DCLRE1C: variants seen among roughly 807,000 people sequenced by gnomAD.
DCLRE1C encodes the protein DNA cross-link repair 1C.
DCLRE1C carries 47 observed loss-of-function variants against 61.4 expected under a neutral mutation model. That is an observed-to-expected ratio of 0.77 (90% confidence interval 0.61 to 0.98). The LOEUF is 0.98. DCLRE1C is among the 50% of genes least tolerant of loss of function. DCLRE1C has a pLI of 0.00. For synonymous variants in DCLRE1C, 337 were observed against 287.6 expected (o/e 1.17, Z -1.74); for missense variants, 858 against 816.0 (o/e 1.05, Z -0.63).
chr10:14,926,568 C>A (rs1838012028), intron 11 of DCLRE1C, among the ~76,000 whole-genome samples: 1 of 150,996 alleles, frequency 6.6e-6, no homozygotes, highest in Non-Finnish European at 1.5e-5. Flanking sequence ...GCAGGAGAAT[C>A]ACCTGAACCC....
At chr10:14,939,645 A>G (rs1382784886) in intron 4 of DCLRE1C, among the ~76,000 whole-genome samples, 165 bp downstream of exon 4, 1 of 152,144 alleles carries the variant, frequency 6.6e-6, no homozygotes, top group African/African-American at 2.4e-5. Context: ...ACCCCACTCA[A>G]TGACTAGATT....
intron 11 of DCLRE1C, 166 bp from the exon 12 acceptor site, chr10:14,923,235 C>T (rs1837414396): frequency 1.6e-6 from 1 of 629,384 alleles, no homozygotes; most frequent in Admixed American, 2.2e-5. Context: ...AAAAAATATC[C>T]AATGCCTGGG....
At chr10:14,949,644 G>T (rs1842169899) in intron 1 of DCLRE1C, among the ~76,000 whole-genome samples, 1 of 152,224 alleles carries the variant, frequency 6.6e-6, no homozygotes, top group Non-Finnish European at 1.5e-5. Context: ...CAACAGAAAG[G>T]TAGCAATTAG....
Position 14,908,786 on chromosome 10 carries a change from A to C in DCLRE1C, c.1701T>G (p.Ser567Arg). The C allele has an allele frequency of 6.2e-7, 1 of 1,614,178 alleles. No individual in the cohort carries two copies. The highest frequency in any genetic ancestry group is 8.5e-7 in the Non-Finnish European group (1 of 1,180,030). The change falls in exon 14 of 14, where the codon AGT (serine) becomes AGG (arginine). Residue 567 changes from serine (S) to arginine (R), a missense_variant. Transcript: ENST00000378278. ...CTTTGTCCAAGGAAGTAATATCCCC[A>C]CTGTTTCTCTCTTGGGAAGATAACA... The part of the protein sequence containing the change: ...TVLLSSQERN[S>R]GDITSLDKAD...
chr10:14,901,069 A>G, downstream of DCLRE1C: 4 of 1,557,630 alleles, frequency 2.6e-6, no homozygotes, highest in East Asian at 2.3e-5. Context: ...AACATTTTAT[A>G]TGGCATGTAG....
At position 14,922,948 on chromosome 10, in the gene DCLRE1C, G is replaced by A. The variant is rs199770461; in HGVS notation, c.1061+33C>T. The stretch of plus-strand genomic sequence containing the variant: ...TGTCCTAGCCAAGAGCCACCAAGGG[G>A]GACACCAAGTCCCACAACCAGTGAC... On this transcript the variant is annotated intron_variant, in intron 12 of 13. Coordinates refer to ENST00000378278, the MANE Select transcript of DCLRE1C (RefSeq NM_001033855.3). 249 of 1,496,508 alleles carry A rather than the reference G, an allele frequency of 1.7e-4. 1 individual carries two copies. Among genetic ancestry groups the A allele is most frequent in the Admixed American group, 1.7e-4 (10 of 59,830 alleles). 92.7% of individuals were successfully genotyped at this position (1,496,508 alleles called of 1,614,324 possible).
At position 14,908,970 on chromosome 10, in the gene DCLRE1C, T is replaced by C; in HGVS notation, c.1517A>G (p.Asn506Ser). The C allele has an allele frequency of 2.5e-6, 4 of 1,614,064 alleles. No individual in the cohort carries two copies. Among genetic ancestry groups the C allele is most frequent in the Non-Finnish European group, 3.4e-6 (4 of 1,179,992 alleles). ...CCCTGCCACTGTGGAGGAAGGGAAG[T>C]TTTCCAAACTCTCATCTGTGATTTC... ...NDEITDESLE[N>S]FPSSTVAGGS... The change falls in exon 14 of 14, where the codon AAC becomes AGC. Residue 506 changes from asparagine to serine, a missense_variant. By Grantham distance (46) the Asn-to-Ser change is conservative. Transcript: ENST00000378278.
chr10:14,945,717 G>A (rs41296354), intron 2 of DCLRE1C, among the ~76,000 whole-genome samples: 1 of 128,282 alleles, frequency 7.8e-6, no homozygotes, highest in African/African-American at 3.1e-5. Context: ...GGAGTGCAAT[G>A]GTGTGATCTC....
intron 12 of DCLRE1C, among the ~76,000 whole-genome samples, chr10:14,920,117 T>G (rs1174799959): frequency 6.6e-6 from 1 of 152,198 alleles, no homozygotes; most frequent in Non-Finnish European, 1.5e-5. Context: ...ATCAGTAGAC[T>G]AAGGTAAAAC....
chr10:14,939,751 T>C (rs1840560386), intron 4 of DCLRE1C, 59 bp downstream of exon 4: 1 of 1,415,316 alleles, frequency 7.1e-7, no homozygotes, highest in South Asian at 1.2e-5. Flanking sequence ...AAGAGAAATA[T>C]AAACAATCAT....
chr10:14,899,096 G>A (rs1411181501), exon 14 of DCLRE1C: 10 of 624,314 alleles, frequency 1.6e-5, no homozygotes, highest in Admixed American at 2.5e-5. Flanking sequence ...AAGGCTGGAG[G>A]CTCACTTGAG....
chr10:14,948,146 G>A (rs1259040914), intron 2 of DCLRE1C, among the ~76,000 whole-genome samples: 4 of 151,948 alleles, frequency 2.6e-5, no homozygotes, highest in Admixed American at 2.6e-4. Context: ...AGGCCAAGAT[G>A]GGAGATCACT....
chr10:14,901,305 T>C (rs913162409), downstream of DCLRE1C: 10 of 1,610,770 alleles, frequency 6.2e-6, no homozygotes, highest in African/African-American at 1.2e-4. Flanking sequence ...AGTTTCAATA[T>C]GAAGAATCAA....
chr10:14,900,192 T>A (rs1833902438), downstream of DCLRE1C, among the ~76,000 whole-genome samples: 1 of 152,228 alleles, frequency 6.6e-6, no homozygotes, highest in African/African-American at 2.4e-5. Flanking sequence ...TTCCTTACCT[T>A]TTAATGTCTG....
chr10:14,939,257 T>C (rs1289116050), intron 4 of DCLRE1C, among the ~76,000 whole-genome samples: 1 of 152,054 alleles, frequency 6.6e-6, no homozygotes, highest in Non-Finnish European at 1.5e-5. Flanking sequence ...ACCAACATGG[T>C]GAAACCCCTT....
intron 4 of DCLRE1C, among the ~76,000 whole-genome samples, chr10:14,937,263 T>G (rs1157508712): frequency 6.6e-6 from 1 of 151,088 alleles, no homozygotes; most frequent in African/African-American, 2.4e-5. Flanking sequence ...TCGATTTCTA[T>G]CTCAATAAAG....
chr10:14,924,692 C>A (rs41298934), intron 11 of DCLRE1C, among the ~76,000 whole-genome samples: 2 of 151,914 alleles, frequency 1.3e-5, no homozygotes, highest in African/African-American at 4.8e-5. Flanking sequence ...ACTAAAAATA[C>A]AAAAAATTAG....
At chr10:14,950,275 G>T (rs367987234) in intron 1 of DCLRE1C, among the ~76,000 whole-genome samples, 5 of 151,446 alleles carry the variant, frequency 3.3e-5, no homozygotes, top group African/African-American at 9.7e-5. Context: ...CGAAGGCAGA[G>T]GTTGCGGTGA....
chr10:14,908,873 G>A lies in DCLRE1C; in HGVS notation c.1614C>T (p.Ser538=), dbSNP rs1398543236. ...CTTGTTCTGTTATGTGTGTTGACTG[G>A]GAAGAATTCTGGGAGGAGATGTGAG... is the stretch of plus-strand genomic sequence containing the variant. ...ESTHISSQNS[S]QSTHITEQGS... The change falls in exon 14 of 14, where the codon TCC becomes TCT. Residue 538 remains serine, a synonymous_variant. Coordinates refer to ENST00000378278, the MANE Select transcript of DCLRE1C (RefSeq NM_001033855.3). 2 of 1,614,178 alleles carry A rather than the reference G, an allele frequency of 1.2e-6. No individual in the cohort carries two copies. The highest frequency in any genetic ancestry group is 2.2e-5 in the South Asian group (2 of 91,082).
Sources: allele counts gnomAD v4.1 joint callset (sites outside exome capture counted in the v4.1 genomes callset), GRCh38; gene constraint gnomAD v4.1.1; transcripts MANE v1.5; gene names NCBI Gene and HGNC (gene_info 2026-07-23, HGNC 2026-07-21).